The following CREBBP variants were observed in gnomAD, a reference collection of about 807,000 sequenced individuals.
CREBBP encodes the protein CREB binding lysine acetyltransferase.
Under a neutral mutation model 265.0 loss-of-function variants are expected in CREBBP, and 19 were observed. The observed-to-expected ratio is 0.07, with a 90% CI of 0.05 to 0.11. The LOEUF is 0.11. Among genes scored for constraint, CREBBP ranks in the 10% least tolerant of loss-of-function variants. CREBBP has a pLI of 1.00. For missense variants in CREBBP, 2,525 were observed against 3,219.0 expected (o/e 0.78, Z 5.22); for synonymous variants, 1,457 against 1,223.7 (o/e 1.19, Z -3.98).
intron 13 of CREBBP, 108 bp from the exon 14 acceptor site, chr16:3,771,094 G>T: frequency 8.4e-7 from 1 of 1,193,632 alleles, no homozygotes; most frequent in South Asian, 1.3e-5. Flanking sequence ...TTTTGAGACA[G>T]TTTCACTCTT....
intron 1 of CREBBP, among the ~76,000 whole-genome samples, chr16:3,856,140 T>C (rs1217387232): frequency 6.6e-6 from 1 of 152,198 alleles, no homozygotes; most frequent in Non-Finnish European, 1.5e-5. Flanking sequence ...ATTTTTTATT[T>C]TATGTTTTAG....
chr16:3,865,915 G>GT (rs1475887747), intron 1 of CREBBP, among the ~76,000 whole-genome samples: 1 of 152,118 alleles, frequency 6.6e-6, no homozygotes, highest in African/African-American at 2.4e-5. Context: ...GATTACAGGC[G>GT]TGAGCCCACC....
At chr16:3,789,564 A>T (rs1307790873) in intron 5 of CREBBP, among the ~76,000 whole-genome samples, 1 of 152,198 alleles carries the variant, frequency 6.6e-6, no homozygotes, top group East Asian at 1.9e-4. Flanking sequence ...ACCTTAAGCC[A>T]ACGTAGGGTC....
chr16:3,789,355 C>T (rs890399990), intron 5 of CREBBP, among the ~76,000 whole-genome samples: 5 of 152,168 alleles, frequency 3.3e-5, no homozygotes, highest in African/African-American at 1.2e-4. Flanking sequence ...GACACTGTCC[C>T]CACTGTCTGA....
At chr16:3,759,093 G>T (rs1007605944) in intron 16 of CREBBP, 121 bp from the exon 17 acceptor site, 15 of 786,990 alleles carry the variant, frequency 1.9e-5, no homozygotes, top group South Asian at 2.8e-5. Context: ...TAAGGCACTC[G>T]AGGGGCTCTC....
chr16:3,834,948 C>G (rs987246886), intron 2 of CREBBP, among the ~76,000 whole-genome samples: 89 of 152,174 alleles, frequency 5.8e-4, no homozygotes, highest in African/African-American at 2.0e-3. Flanking sequence ...CACGAGGTCA[C>G]GAGATCGAGA....
rs2054029081 is a variant in CREBBP at position 3,815,912 on chromosome 16, T to A, written c.799-5133A>T. On this transcript the variant is annotated intron_variant, in intron 2 of 30. Coordinates refer to ENST00000262367, the MANE Select transcript of CREBBP (RefSeq NM_004380.3). ...TCTTATTCATTCTTTTTTTTTGTAT[T>A]CCATACACTCTTTTAAATAAAATTA... is the stretch of plus-strand genomic sequence containing the variant. Among the ~76,000 whole-genome samples the A allele has an allele frequency of 2.0e-5, 3 of 152,206 alleles. No homozygotes were observed. In the South Asian group the frequency reaches 6.2e-4, roughly 32 times the overall value.
intron 13 of CREBBP, among the ~76,000 whole-genome samples, chr16:3,771,746 A>T (rs180938534): frequency 7.9e-5 from 12 of 151,870 alleles, no homozygotes; most frequent in African/African-American, 2.9e-4. Flanking sequence ...CTGGGGGCAC[A>T]GAGTGGGATG....
At chr16:3,861,677 G>C (rs1483198125) in intron 1 of CREBBP, among the ~76,000 whole-genome samples, 1 of 140,102 alleles carries the variant, frequency 7.1e-6, no homozygotes, top group Admixed American at 7.0e-5. Context: ...AAAAGAAAGA[G>C]AAAAGCTGTT....
intron 16 of CREBBP, among the ~76,000 whole-genome samples, chr16:3,762,361 C>CA (rs2052740153): frequency 8.4e-6 from 1 of 118,690 alleles, no homozygotes; most frequent in Non-Finnish European, 1.7e-5. Context: ...ATTTTCTTTC[C>CA]TTTTTTTTTT....
At chr16:3,876,821 G>A (rs907016410) in intron 1 of CREBBP, among the ~76,000 whole-genome samples, 10 of 152,140 alleles carry the variant, frequency 6.6e-5, no homozygotes, top group African/African-American at 1.4e-4. Flanking sequence ...AAGCTTCCCA[G>A]GCTTCGGCAA....
chr16:3,841,491 A>T (rs1456869713), intron 2 of CREBBP, among the ~76,000 whole-genome samples: 1 of 152,158 alleles, frequency 6.6e-6, no homozygotes, highest in African/African-American at 2.4e-5. Context: ...AATCAAAAAA[A>T]TTAGCCAGGC....
chr16:3,790,074 G>A (rs1567315101), intron 5 of CREBBP, among the ~76,000 whole-genome samples: 1 of 152,114 alleles, frequency 6.6e-6, no homozygotes, highest in Non-Finnish European at 1.5e-5. Flanking sequence ...ATAGAATATT[G>A]TATAACTACA....
At chr16:3,746,402 C>T (rs948714362) in intron 21 of CREBBP, among the ~76,000 whole-genome samples, 1 of 152,114 alleles carries the variant, frequency 6.6e-6, no homozygotes, top group Non-Finnish European at 1.5e-5. Context: ...GGTCCTATGG[C>T]ACTCTCTGAC....
In CREBBP at chr16:3,770,786, T is replaced by C. The variant is rs1159004451; in HGVS notation, c.2664A>G (p.Pro888=). Residue 888 remains proline, a synonymous_variant, in exon 14 of 31, where the codon CCA becomes CCG. Coordinates refer to ENST00000262367, the MANE Select transcript of CREBBP (RefSeq NM_004380.3). ...TPPQPAAPTQ[P]STPVSSSGQT... is the part of the protein sequence containing the mutation. ...GCCCGGAAGACGACACAGGAGTTGATGGCTGAGTGGGAGCTGCTGGCTGGG... is the reference window on the plus strand; with the variant it reads ...GCCCGGAAGACGACACAGGAGTTGACGGCTGAGTGGGAGCTGCTGGCTGGG... 7 of 1,613,980 alleles carry C rather than the reference T, an allele frequency of 4.3e-6. No homozygotes were observed. The highest frequency in any genetic ancestry group is 5.9e-6 in the Non-Finnish European group (7 of 1,179,980).
intron 2 of CREBBP, among the ~76,000 whole-genome samples, chr16:3,829,370 C>T (rs902015866): frequency 2.0e-5 from 3 of 152,106 alleles, no homozygotes; most frequent in Admixed American, 6.6e-5. Context: ...CATAATGTTA[C>T]GTTCACACCA....
intron 2 of CREBBP, among the ~76,000 whole-genome samples, chr16:3,832,711 A>G (rs2054367125): frequency 6.6e-6 from 1 of 152,234 alleles, no homozygotes; most frequent in Admixed American, 6.5e-5. Flanking sequence ...TTGTATATGT[A>G]GTCTGCTGCT....
In CREBBP at chr16:3,850,825, G is replaced by A. The variant is rs748030826; in HGVS notation, c.270C>T (p.Ser90=). 10 of 1,613,964 alleles carry A rather than the reference G, an allele frequency of 6.2e-6. No homozygotes were observed. Among genetic ancestry groups the A allele is most frequent in the Admixed American group, 5.0e-5 (3 of 60,004 alleles). ...SSINPGIGNV[S]ASSPVQQGLG... is the part of the protein sequence containing the mutation. ...GGCCCTGCTGCACGGGGCTGCTGGC[G>A]CTCACATTTCCTATTCCTGGGTTGA... Residue 90 remains serine, a synonymous_variant, in exon 2 of 31, where the codon AGC becomes AGT. Coordinates refer to ENST00000262367, the MANE Select transcript of CREBBP (RefSeq NM_004380.3).
chr16:3,774,856 C>T (rs367650754), intron 11 of CREBBP, 163 bp from the exon 12 acceptor site: 5 of 943,528 alleles, frequency 5.3e-6, no homozygotes, highest in East Asian at 2.7e-5. Flanking sequence ...AAGGAACAGA[C>T]TTCTCCATAT....
Sources: allele counts gnomAD v4.1 joint callset (sites outside exome capture counted in the v4.1 genomes callset), GRCh38; gene constraint gnomAD v4.1.1; transcripts MANE v1.5; gene names NCBI Gene and HGNC (gene_info 2026-07-23, HGNC 2026-07-21).